IRF2BP2: variants seen among roughly 807,000 people sequenced by gnomAD.
IRF2BP2 encodes interferon regulatory factor 2-binding protein 2.
Under a neutral mutation model 32.7 loss-of-function variants are expected in IRF2BP2, and 13 were observed. That is an observed-to-expected ratio of 0.40 (90% CI 0.26 to 0.63). IRF2BP2 has a LOEUF of 0.63. IRF2BP2 is among the 30% of genes least tolerant of loss of function. The pLI, the probability that IRF2BP2 is intolerant of heterozygous loss-of-function variation, is 0.42. For missense variants in IRF2BP2, 980 were observed against 830.6 expected, an observed-to-expected ratio of 1.18 and a Z score of -2.21; for synonymous variants, 555 against 384.6, an observed-to-expected ratio of 1.44 and a Z score of -5.18.
Position 234,606,771 on chromosome 1 carries a change from G to A in IRF2BP2, c.*366C>T, listed in dbSNP as rs1238030891. Reference sequence around the variant, plus strand: ...CTTACAATGTCAGAAAATGTATTTGGCTTTTTTTTTCTTTTTAAAATAAGT... The same window carrying A: ...CTTACAATGTCAGAAAATGTATTTGACTTTTTTTTTCTTTTTAAAATAAGT... On this transcript the variant is annotated 3_prime_UTR_variant, in exon 2 of 2. Coordinates refer to ENST00000366609, the MANE Select transcript of IRF2BP2 (RefSeq NM_182972.3). 2.5e-5 allele frequency: 4 copies of A among 160,918 alleles called. No individual in the cohort carries two copies. Among genetic ancestry groups the A allele is most frequent in the African/African-American group, 9.6e-5 (4 of 41,598 alleles). 10.0% of individuals were successfully genotyped at this position (160,918 alleles called of 1,614,324 possible). A position where few individuals can be genotyped will look rare whatever the true frequency, so the allele number is the denominator to read the frequency against.
rs771536127 is a variant in IRF2BP2 at position 234,608,776 on chromosome 1, G to C, written c.719C>G (p.Ser240Cys). 77 of 1,447,960 alleles carry C rather than the reference G, an allele frequency of 5.3e-5. No individual in the cohort carries two copies. The highest frequency in any genetic ancestry group is 6.3e-5 in the Non-Finnish European group (70 of 1,109,120). The allele number at this position is 1,447,960 out of a possible 1,614,324, so 89.7% of individuals were successfully genotyped here. A position where few individuals can be genotyped will look rare whatever the true frequency, so the allele number is the denominator to read the frequency against. Residue 240 changes from serine to cysteine, a missense_variant, in exon 1 of 2, where the codon TCC (serine) becomes TGC (cysteine). By Grantham distance (112) the Ser-to-Cys change is moderately radical. Coordinates refer to ENST00000366609, the MANE Select transcript of IRF2BP2 (RefSeq NM_182972.3). Reference sequence around the variant, plus strand: ...CTCCACGGCAGCGCTGCTCGACACGGATGCCGGCCGCTTGTGGGCGCCCAG... The same window carrying C: ...CTCCACGGCAGCGCTGCTCGACACGCATGCCGGCCGCTTGTGGGCGCCCAG... Reference protein sequence around the residue: ...TDLGAHKRPASVSSSAAVEHE... With the variant: ...TDLGAHKRPACVSSSAAVEHE...
rs1672230215 is a variant in IRF2BP2, at chr1:234,608,451, TTTAGACCCG to T, written c.1035_1043del (p.Asn345_Ser347del). On this transcript the variant is annotated inframe_deletion, in exon 1 of 2. Transcript: ENST00000366609. ...TCACTTCACAGCCGCCCCTACCTGC[TTTAGACCCG>T]TTGGCCCCGTTGGCCTCGAAACCCA... is the stretch of plus-strand genomic sequence containing the variant. The T allele has an allele frequency of 1.3e-6, 2 of 1,573,318 alleles. No homozygotes were observed. Among genetic ancestry groups the T allele is most frequent in the Non-Finnish European group, 8.6e-7 (1 of 1,157,684 alleles).
rs1260418578 is a variant in IRF2BP2 at position 234,606,766 on chromosome 1, A to G, written c.*371T>C. On this transcript the variant is annotated 3_prime_UTR_variant, in exon 2 of 2. Transcript: ENST00000366609. ...GCAATCTTACAATGTCAGAAAATGTATTTGGCTTTTTTTTTCTTTTTAAAA... is the reference window on the plus strand; with the variant it reads ...GCAATCTTACAATGTCAGAAAATGTGTTTGGCTTTTTTTTTCTTTTTAAAA... 1 of 160,150 alleles carries G rather than the reference A, an allele frequency of 6.2e-6. No homozygotes were observed. Among genetic ancestry groups the G allele is most frequent in the Non-Finnish European group, 1.4e-5 (1 of 73,010 alleles). The allele number at this position is 160,150 out of a possible 1,614,324, so 9.9% of individuals were successfully genotyped here. A position where few individuals can be genotyped will look rare whatever the true frequency, so the allele number is the denominator to read the frequency against.
Position 234,607,407 on chromosome 1 carries a change from C to T in IRF2BP2, c.1494G>A (p.Leu498=). Residue 498 remains leucine, a synonymous_variant, in exon 2 of 2, where the codon CTG becomes CTA. Transcript: ENST00000366609. ...TGCAGCACAGCGGGGCACTGGTTGCCAGAGAGGAGTCCGGGAGGCTGGCAG... is the reference window on the plus strand; with the variant it reads ...TGCAGCACAGCGGGGCACTGGTTGCTAGAGAGGAGTCCGGGAGGCTGGCAG... The part of the protein sequence containing the change: ...VHPASLPDSS[L]ATSAPLCCTL... 6.2e-7 allele frequency: 1 copy of T among 1,614,124 alleles called. No homozygotes were observed. The highest frequency in any genetic ancestry group is 8.5e-7 in the Non-Finnish European group (1 of 1,179,970).
chr1:234,607,453 C>G lies in IRF2BP2; in HGVS notation c.1448G>C (p.Gly483Ala). Residue 483 changes from glycine to alanine, a missense_variant, in exon 2 of 2, where the codon GGA (glycine) becomes GCA (alanine). Gly to Ala is a moderately conservative substitution (Grantham distance 60, BLOSUM62 0). Transcript: ENST00000366609. Reference sequence around the variant, plus strand: ...GGCAGGGTGCACTGGCTCCAGTCCTCCTGTGTTGCCTGCTCCCTGGCCCCC... The same window carrying G: ...GGCAGGGTGCACTGGCTCCAGTCCTGCTGTGTTGCCTGCTCCCTGGCCCCC... ...EVGGQGAGNT[G>A]GLEPVHPASL... The G allele has an allele frequency of 6.2e-7, 1 of 1,614,176 alleles. No homozygotes were observed. The highest frequency in any genetic ancestry group is 1.1e-5 in the South Asian group (1 of 91,086).
Position 234,609,255 on chromosome 1 carries a change from GGCGGCCGAGGCC to G in IRF2BP2, c.228_239del (p.Ser78_Ala81del). On this transcript the variant is annotated inframe_deletion, in exon 1 of 2. Coordinates refer to ENST00000366609, the MANE Select transcript of IRF2BP2 (RefSeq NM_182972.3). ...TGGCGGAGAGCGGCGGCGGCTTGGC[GGCGGCCGAGGCC>G]GCGGCGCCGGGTGGGGAGCGACCCT... 1 of 1,364,142 alleles carries G rather than the reference GGCGGCCGAGGCC, an allele frequency of 7.3e-7. No homozygotes were observed. The highest frequency in any genetic ancestry group is 1.8e-5 in the South Asian group (1 of 57,092). 84.5% of individuals were successfully genotyped at this position (1,364,142 alleles called of 1,614,324 possible). A position where few individuals can be genotyped will look rare whatever the true frequency, so the allele number is the denominator to read the frequency against.
In IRF2BP2 at chr1:234,607,219, T is replaced by A. The variant is rs779104715; in HGVS notation, c.1682A>T (p.Asn561Ile). The change falls in exon 2 of 2, where the codon AAT becomes ATT. Residue 561 changes from asparagine to isoleucine, a missense_variant. Transcript: ENST00000366609. Reference sequence around the variant, plus strand: ...CCCTTGCATAAAGGCCCAGGGGACATTGGAGCCCACAAGAGGGCATTTTTC... The same window carrying A: ...CCCTTGCATAAAGGCCCAGGGGACAATGGAGCCCACAAGAGGGCATTTTTC... The part of the protein sequence containing the change: ...SGEKCPLVGS[N>I]VPWAFMQGEI... 11 of 1,614,092 alleles carry A rather than the reference T, an allele frequency of 6.8e-6. No individual in the cohort carries two copies. The highest frequency in any genetic ancestry group is 9.3e-6 in the Non-Finnish European group (11 of 1,180,046).
At position 234,608,538 on chromosome 1, in the gene IRF2BP2, C is replaced by A. The variant is rs772318601; in HGVS notation, c.957G>T (p.Gly319=). 3 of 1,610,344 alleles carry A rather than the reference C, an allele frequency of 1.9e-6. No individual in the cohort carries two copies. The highest frequency in any genetic ancestry group is 2.7e-5 in the African/African-American group (2 of 74,820). Residue 319 remains glycine, a synonymous_variant, in exon 1 of 2, where the codon GGG becomes GGT. Transcript: ENST00000366609. The part of the protein sequence containing the change: ...LLALHQHGHS[G]PFESKFKKEP... ...CCTTCTTAAACTTGCTCTCGAAGGG[C>A]CCCGAGTGGCCGTGCTGGTGCAGCG...
Position 234,607,464 on chromosome 1 carries a change from T to C in IRF2BP2, c.1437A>G (p.Ala479=), listed in dbSNP as rs1378475917. The C allele has an allele frequency of 4.3e-6, 7 of 1,614,102 alleles. No homozygotes were observed. The South Asian group carries it at 7.7e-5, about 18-fold the overall frequency. ...CTGGCTCCAGTCCTCCTGTGTTGCCTGCTCCCTGGCCCCCCACCTCTCTGG... is the reference window on the plus strand; with the variant it reads ...CTGGCTCCAGTCCTCCTGTGTTGCCCGCTCCCTGGCCCCCCACCTCTCTGG... The part of the protein sequence containing the change: ...LGPREVGGQG[A]GNTGGLEPVH... The change falls in exon 2 of 2, where the codon GCA becomes GCG. Residue 479 remains alanine, a synonymous_variant. Transcript: ENST00000366609.
At position 234,607,273 on chromosome 1, in the gene IRF2BP2, G is replaced by C. The variant is rs962331038; in HGVS notation, c.1628C>G (p.Ala543Gly). 2.5e-6 allele frequency: 4 copies of C among 1,614,104 alleles called. No individual in the cohort carries two copies. In the African/African-American group the frequency reaches 5.3e-5, roughly 22 times the overall value. The change falls in exon 2 of 2, where the codon GCT (alanine) becomes GGT (glycine). Residue 543 changes from alanine (A) to glycine (G), a missense_variant. Ala to Gly is a moderately conservative substitution (Grantham distance 60). Transcript: ENST00000366609. ...ACTGGGACAATAGACCTCTCCACTA[G>C]CTCCCTGCTGTTTGATGCTTTGTCT... ...CSRQSIKQQG[A>G]SGEVYCPSGE...
chr1:234,608,817 G>T lies in IRF2BP2; in HGVS notation c.678C>A (p.Ser226=), dbSNP rs917282946. 2.2e-6 allele frequency: 3 copies of T among 1,383,298 alleles called. No homozygotes were observed. The African/African-American group carries it at 4.6e-5, about 21-fold the overall frequency. The allele number at this position is 1,383,298 out of a possible 1,614,324, so 85.7% of individuals were successfully genotyped here. Residue 226 remains serine, a synonymous_variant, in exon 1 of 2, where the codon TCC becomes TCA. Coordinates refer to ENST00000366609, the MANE Select transcript of IRF2BP2 (RefSeq NM_182972.3). ...GGGCGCCCAGATCGGTGGGCTGCGC[G>T]GAGCCCAGGCTGGCGGCCGCGGTTC... ...VSGTAAASLG[S]AQPTDLGAHK...
chr1:234,609,708 G>C lies in IRF2BP2; in HGVS notation c.-214C>G, dbSNP rs1395828327. On this transcript the variant is annotated 5_prime_UTR_variant, in exon 1 of 2. Coordinates refer to ENST00000366609, the MANE Select transcript of IRF2BP2 (RefSeq NM_182972.3). Reference sequence around the variant, plus strand: ...GCCCCCGGTGCACGAGGGGCGGCGGGCGCGAGGTGAGGGGCTGCAGCCGCG... The same window carrying C: ...GCCCCCGGTGCACGAGGGGCGGCGGCCGCGAGGTGAGGGGCTGCAGCCGCG... 2.1e-5 allele frequency among the ~76,000 whole-genome samples: 3 copies of C among 144,816 alleles called. No individual in the cohort carries two copies. The highest frequency in any genetic ancestry group is 7.4e-5 in the African/African-American group (3 of 40,434).
chr1:234,609,930 G>GGGGGGGC lies in IRF2BP2; in HGVS notation c.-443_-437dup, dbSNP rs1169503485. 1.4e-5 allele frequency among the ~76,000 whole-genome samples: 2 copies of GGGGGGGC among 139,694 alleles called. No homozygotes were observed. Among genetic ancestry groups the GGGGGGGC allele is most frequent in the Non-Finnish European group, 3.2e-5 (2 of 63,122 alleles). 91.6% of individuals were successfully genotyped at this position (139,694 alleles called of 152,430 possible). Reference sequence around the variant, plus strand: ...GTGCGGGGCGGGGGGCGGGGAGGCCGGGGGGGCAGGGGGCGGGGGGCGGCC... The same window carrying GGGGGGGC: ...GTGCGGGGCGGGGGGCGGGGAGGCCGGGGGGGCGGGGGGCAGGGGGCGGGGGGCGGCC... On this transcript the variant is annotated 5_prime_UTR_variant, in exon 1 of 2. Transcript: ENST00000366609.
rs1385363381 is a variant in IRF2BP2 at position 234,609,221 on chromosome 1, G to C, written c.274C>G (p.Leu92Val). ...CCAAGCTGCTGCTGCTGCTGCAAAA[G>C]GATGTCCTTGGCGGAGAGCGGCGGC... ...KPPPLSAKDI[L>V]LQQQQQLGHG... Residue 92 changes from leucine (L) to valine (V), a missense_variant, in exon 1 of 2, where the codon CTT becomes GTT. Transcript: ENST00000366609. 4 of 1,341,740 alleles carry C rather than the reference G, an allele frequency of 3.0e-6. No individual in the cohort carries two copies. Among genetic ancestry groups the C allele is most frequent in the East Asian group, 3.1e-5 (1 of 32,204 alleles). 83.1% of individuals were successfully genotyped at this position (1,341,740 alleles called of 1,614,324 possible). A position where few individuals can be genotyped will look rare whatever the true frequency, so the allele number is the denominator to read the frequency against.
rs1672187980 is a variant in IRF2BP2 at position 234,607,178 on chromosome 1, G to T, written c.1723C>A (p.Leu575Ile). ...TTTTTCACTTTCACATCTCCAGCAA[G>T]GATGGTTGCAATTTCCCCTTGCATA... ...AFMQGEIATI[L>I]AGDVKVKKER... Residue 575 changes from leucine (L) to isoleucine (I), a missense_variant, in exon 2 of 2, where the codon CTT becomes ATT. Transcript: ENST00000366609. 1 of 1,612,648 alleles carries T rather than the reference G, an allele frequency of 6.2e-7. No homozygotes were observed. The highest frequency in any genetic ancestry group is 1.7e-5 in the Admixed American group (1 of 59,986).
chr1:234,608,590 G>T lies in IRF2BP2; in HGVS notation c.905C>A (p.Pro302His). ...CAGCAGCGTGTCGCGCACGGTCTTG[G>T]GCCTGTTGACCCAGTCCTGCTCTCC... ...GSGEQDWVNR[P>H]KTVRDTLLAL... The change falls in exon 1 of 2, where the codon CCC (proline) becomes CAC (histidine). Residue 302 changes from proline to histidine, a missense_variant. Coordinates refer to ENST00000366609, the MANE Select transcript of IRF2BP2 (RefSeq NM_182972.3). 1 of 1,604,102 alleles carries T rather than the reference G, an allele frequency of 6.2e-7. No homozygotes were observed.
At position 234,609,763 on chromosome 1, in the gene IRF2BP2, C is replaced by CGGGCGGGCGGCGCGGCGCGGCG. The variant is rs1672295529; in HGVS notation, c.-291_-270dup. ...CAGTTCCCCCCGGCCGGCCCGGGCA[C>CGGGCGGGCGGCGCGGCGCGGCG]GGGCGGGCGGCGCGGCGCGGCGGGG... On this transcript the variant is annotated 5_prime_UTR_variant, in exon 1 of 2. Coordinates refer to ENST00000366609, the MANE Select transcript of IRF2BP2 (RefSeq NM_182972.3). Among the ~76,000 whole-genome samples the CGGGCGGGCGGCGCGGCGCGGCG allele has an allele frequency of 7.0e-6, 1 of 143,746 alleles. No homozygotes were observed. Among genetic ancestry groups the CGGGCGGGCGGCGCGGCGCGGCG allele is most frequent in the African/African-American group, 2.5e-5 (1 of 40,178 alleles). The allele number at this position is 143,746 out of a possible 152,430, so 94.3% of individuals were successfully genotyped here. A position where few individuals can be genotyped will look rare whatever the true frequency, so the allele number is the denominator to read the frequency against.
rs1223760333 is a variant in IRF2BP2, at chr1:234,609,088, C to T, written c.407G>A (p.Ser136Asn). The T allele has an allele frequency of 1.6e-6, 2 of 1,242,562 alleles. No individual in the cohort carries two copies. Among genetic ancestry groups the T allele is most frequent in the South Asian group, 3.4e-5 (1 of 29,304 alleles). 77.0% of individuals were successfully genotyped at this position (1,242,562 alleles called of 1,614,324 possible). Residue 136 changes from serine to asparagine, a missense_variant, in exon 1 of 2, where the codon AGC becomes AAC. Ser to Asn is a conservative substitution (Grantham distance 46). Transcript: ENST00000366609. ...CTGGGCCAGGCTCGCTGCCGGGCGGCTGCTGCCGAAGTCAGAGCCGAGGCG... is the reference window on the plus strand; with the variant it reads ...CTGGGCCAGGCTCGCTGCCGGGCGGTTGCTGCCGAAGTCAGAGCCGAGGCG... ...PPRLGSDFGSSRPAASLAQPP... is the reference protein window; with the variant it reads ...PPRLGSDFGSNRPAASLAQPP...
At position 234,609,897 on chromosome 1, in the gene IRF2BP2, G is replaced by A. The variant is rs1257369308; in HGVS notation, c.-403C>T. Among the ~76,000 whole-genome samples, 8 of 138,118 alleles carry A rather than the reference G, an allele frequency of 5.8e-5. No homozygotes were observed. Among genetic ancestry groups the A allele is most frequent in the Non-Finnish European group, 1.1e-4 (7 of 62,318 alleles). The allele number at this position is 138,118 out of a possible 152,430, so 90.6% of individuals were successfully genotyped here. ...AGCGCAGCAGGTCGCGGCGGCGGCC[G>A]GCACGGAGTGCGGGGCGGGGGGCGG... On this transcript the variant is annotated 5_prime_UTR_variant, in exon 1 of 2. Coordinates refer to ENST00000366609, the MANE Select transcript of IRF2BP2 (RefSeq NM_182972.3).
Sources: gnomAD v4.1 joint callset for allele counts (sites outside exome capture counted in the v4.1 genomes callset) on GRCh38, gnomAD v4.1.1 for gene constraint, MANE v1.5 for transcripts, NCBI Gene and HGNC (gene_info 2026-07-23, HGNC 2026-07-21) for gene names.